The following SVEP1 variants were observed in gnomAD, a reference collection of about 807,000 sequenced individuals.
The protein encoded by SVEP1 is sushi, von Willebrand factor type A, EGF and pentraxin domain containing 1.
SVEP1 carries 164 observed loss-of-function variants against 367.3 expected under a neutral mutation model. The ratio of observed to expected loss-of-function variants is 0.45; its 90% CI spans 0.39 to 0.51. The LOEUF is 0.51. Among genes scored for constraint, SVEP1 ranks in the 20% least tolerant of loss-of-function variants. The pLI is 0.00. For missense variants in SVEP1, 4,117 were observed against 4,425.3 expected (o/e 0.93, Z 1.98); for synonymous variants, 1,666 against 1,611.6 (o/e 1.03, Z -0.81).
At chr9:110,388,892 C>G (rs1163836965) in intron 41 of SVEP1, among the ~76,000 whole-genome samples, 1 of 152,116 alleles carries the variant, frequency 6.6e-6, no homozygotes, top group Non-Finnish European at 1.5e-5. Context: ...TCCCTTGAGC[C>G]CGGGAAGTGG....
At chr9:110,512,381 T>C (rs564790664) in intron 5 of SVEP1, among the ~76,000 whole-genome samples, 1 of 152,200 alleles carries the variant, frequency 6.6e-6, no homozygotes, top group African/African-American at 2.4e-5. Flanking sequence ...TTTTTTTTAT[T>C]GCTTCTCTGT....
chr9:110,469,515 T>C (rs1750990027), intron 16 of SVEP1, among the ~76,000 whole-genome samples: 1 of 152,224 alleles, frequency 6.6e-6, no homozygotes, highest in Admixed American at 6.5e-5. Context: ...TTTCTCTGAA[T>C]GCTTCCCCAT....
At chr9:110,389,868 C>T (rs945420644) in intron 40 of SVEP1, among the ~76,000 whole-genome samples, 1 of 132,646 alleles carries the variant, frequency 7.5e-6, no homozygotes, top group Non-Finnish European at 1.7e-5. Flanking sequence ...GTAGCTAAGA[C>T]TGACAAAGAA....
At chr9:110,443,261 C>A (rs913658567) in intron 27 of SVEP1, 1 of 303,506 alleles carries the variant, frequency 3.3e-6, no homozygotes, top group Non-Finnish European at 6.0e-6. Flanking sequence ...AGTAATTAAT[C>A]TCCTTAGAAG....
chr9:110,555,664 A>G (rs978833238), intron 1 of SVEP1, among the ~76,000 whole-genome samples: 2 of 152,170 alleles, frequency 1.3e-5, no homozygotes, highest in Non-Finnish European at 2.9e-5. Flanking sequence ...TACAGGAAAC[A>G]TTACATCTGT....
At chr9:110,525,965 T>C (rs1284720632) in intron 3 of SVEP1, among the ~76,000 whole-genome samples, 2 of 152,106 alleles carry the variant, frequency 1.3e-5, no homozygotes, top group African/African-American at 2.4e-5. Context: ...AGAAATGGTT[T>C]TGAAACAATC....
At chr9:110,551,179 A>G (rs998417033) in intron 1 of SVEP1, among the ~76,000 whole-genome samples, 1 of 152,342 alleles carries the variant, frequency 6.6e-6, no homozygotes, top group Middle Eastern at 3.4e-3. Flanking sequence ...GTTAAAGTGA[A>G]AAGGAGATAT....
chr9:110,527,990 G>A (rs902214919), intron 3 of SVEP1, among the ~76,000 whole-genome samples: 4 of 150,994 alleles, frequency 2.6e-5, no homozygotes, highest in African/African-American at 9.7e-5. Context: ...CTTCACTTAG[G>A]ATAATGGTCT....
At chr9:110,549,405 T>C (rs1009321903) in intron 2 of SVEP1, among the ~76,000 whole-genome samples, 2 of 152,182 alleles carry the variant, frequency 1.3e-5, no homozygotes, top group Non-Finnish European at 2.9e-5. Flanking sequence ...GGGCAAGAAG[T>C]ATGTGTTAAG....
chr9:110,427,833 G>A (rs571457239), intron 35 of SVEP1, 75 bp from the exon 36 acceptor site: 48 of 1,496,314 alleles, frequency 3.2e-5, no homozygotes, highest in Non-Finnish European at 4.3e-5. Context: ...GAAGAACTCT[G>A]GAGAAAATAA....
chr9:110,506,295 C>A (rs1829625787), intron 5 of SVEP1, among the ~76,000 whole-genome samples: 1 of 152,180 alleles, frequency 6.6e-6, no homozygotes, highest in Admixed American at 6.5e-5. Flanking sequence ...CCACTCAGGA[C>A]ATAGGCATGG....
intron 8 of SVEP1, among the ~76,000 whole-genome samples, chr9:110,495,329 T>C (rs1829429689): frequency 6.6e-6 from 1 of 152,156 alleles, no homozygotes; most frequent in South Asian, 2.1e-4. Flanking sequence ...ACGACTAAAT[T>C]AAGAATCTTA....
At chr9:110,551,310 G>A in intron 1 of SVEP1, among the ~76,000 whole-genome samples, 1 of 152,186 alleles carries the variant, frequency 6.6e-6, no homozygotes, top group South Asian at 2.1e-4. Flanking sequence ...TCCGTAGAAA[G>A]CAATCTTCAT....
chr9:110,533,594 C>CTGTGTGTGTGTG (rs61074591), intron 3 of SVEP1, among the ~76,000 whole-genome samples: 2 of 146,606 alleles, frequency 1.4e-5, no homozygotes, highest in African/African-American at 5.0e-5. Context: ...CTCTGTGTGT[C>CTGTGTGTGTGTG]TGTGTGTGTG....
In SVEP1 at chr9:110,429,329, T is replaced by C; in HGVS notation, c.5621A>G (p.Asn1874Ser). The C allele has an allele frequency of 6.4e-7, 1 of 1,551,002 alleles. No homozygotes were observed. Among genetic ancestry groups the C allele is most frequent in the South Asian group, 1.3e-5 (1 of 79,944 alleles). Residue 1874 changes from asparagine (N) to serine (S), a missense_variant, in exon 35 of 48, where the codon AAT (asparagine) becomes AGT (serine). Asn to Ser is a conservative substitution (Grantham distance 46). Transcript: ENST00000374469. ...ATCACCGGCCAGAGTATATCCTTTA[T>C]TACACCTAAAGAAGATAGAGGAAAA... Reference protein sequence around the residue: ...TFGSKVTYRCNKGYTLAGDKE... With the variant: ...TFGSKVTYRCSKGYTLAGDKE...
intron 39 of SVEP1, among the ~76,000 whole-genome samples, chr9:110,401,553 G>A (rs946322897): frequency 2.7e-5 from 4 of 148,556 alleles, no homozygotes; most frequent in African/African-American, 4.9e-5. Flanking sequence ...ATATAATTTT[G>A]TATCTATAAA....
chr9:110,508,171 C>T (rs938930406), intron 5 of SVEP1, among the ~76,000 whole-genome samples: 2 of 152,112 alleles, frequency 1.3e-5, no homozygotes, highest in Admixed American at 1.3e-4. Flanking sequence ...TATGTTATCA[C>T]AATTCCTAAA....
intron 44 of SVEP1, 130 bp downstream of exon 44, chr9:110,379,217 A>G (rs1253275456): frequency 1.0e-6 from 1 of 1,003,082 alleles, no homozygotes; most frequent in African/African-American, 1.6e-5. Flanking sequence ...AAAATTACAC[A>G]GCTGCTAAAA....
chr9:110,429,449 T>A, intron 34 of SVEP1, 115 bp from the exon 35 acceptor site: 1 of 763,806 alleles, frequency 1.3e-6, no homozygotes. Context: ...AAAGTTGATT[T>A]TTTTTCCTAC....
Sources: allele counts gnomAD v4.1 joint callset (sites outside exome capture counted in the v4.1 genomes callset), GRCh38; gene constraint gnomAD v4.1.1; transcripts MANE v1.5; gene names NCBI Gene and HGNC (gene_info 2026-07-23, HGNC 2026-07-21).